The following MYO1F variants were observed in gnomAD, a reference collection of about 807,000 sequenced individuals.
MYO1F encodes unconventional myosin-If.
Under a neutral mutation model 146.6 loss-of-function variants are expected in MYO1F, and 60 were observed. That is an observed-to-expected ratio of 0.41 (90% confidence interval 0.33 to 0.51). The LOEUF is 0.51. Among genes scored for constraint, MYO1F ranks in the 20% least tolerant of loss-of-function variants. MYO1F has a pLI of 0.25. For synonymous variants in MYO1F, 602 were observed against 602.1 expected (o/e 1.00, Z 0.00); for missense variants, 1,274 against 1,534.3 (o/e 0.83, Z 2.83).
chr19:8,567,516 C>T (rs905123957), intron 1 of MYO1F, among the ~76,000 whole-genome samples: 24 of 152,124 alleles, frequency 1.6e-4, no homozygotes, highest in African/African-American at 5.6e-4. Flanking sequence ...TTACAGGCGC[C>T]TGGCTGATTT....
In MYO1F at chr19:8,551,813, T is replaced by C. The variant is rs1367563403; in HGVS notation, c.698A>G (p.Tyr233Cys). The change falls in exon 8 of 28, where the codon TAT becomes TGT. Residue 233 changes from tyrosine to cysteine, a missense_variant. This residue lies in a region of MYO1F where 900 missense variants were observed against 1,155.1 expected (regional missense o/e 0.78). Transcript: ENST00000644032. ...GGTGTCCGATTGGTTGAGGTAGTAATAGTAGTCCGGTGTCATGAGGCCCAG... is the reference window on the plus strand; with the variant it reads ...GGTGTCCGATTGGTTGAGGTAGTAACAGTAGTCCGGTGTCATGAGGCCCAG... ...QNLGLMTPDY[Y>C]YYLNQSDTYQ... 6.2e-7 allele frequency: 1 copy of C among 1,614,104 alleles called. No homozygotes were observed. The highest frequency in any genetic ancestry group is 8.5e-7 in the Non-Finnish European group (1 of 1,180,020).
chr19:8,529,794 C>T, intron 21 of MYO1F: 1 of 361,828 alleles, frequency 2.8e-6, no homozygotes, highest in Non-Finnish European at 5.3e-6. Flanking sequence ...GTCTGCTATA[C>T]TTGAGTGTAT....
chr19:8,568,432 A>ACAAAAAC (rs2042047215), intron 1 of MYO1F, among the ~76,000 whole-genome samples: 1 of 148,166 alleles, frequency 6.7e-6, no homozygotes, highest in African/African-American at 2.5e-5. Flanking sequence ...CAAAAAAAAA[A>ACAAAAAC]AAAAAAAAAA....
chr19:8,552,592 T>C (rs1333976935), intron 6 of MYO1F, among the ~76,000 whole-genome samples: 4 of 152,018 alleles, frequency 2.6e-5, no homozygotes, highest in South Asian at 4.1e-4. Flanking sequence ...TATTAAACCA[T>C]GTCCATGTGC....
At chr19:8,535,920 ATCCGCCC>A (rs1280429315) in intron 19 of MYO1F, among the ~76,000 whole-genome samples, 3 of 151,822 alleles carry the variant, frequency 2.0e-5, no homozygotes, top group African/African-American at 7.3e-5. Flanking sequence ...TGGCCTTGTG[ATCCGCCC>A]TCCTCAGCCT....
chr19:8,544,127 G>T, intron 14 of MYO1F, 170 bp downstream of exon 14: 1 of 767,216 alleles, frequency 1.3e-6, no homozygotes, highest in Non-Finnish European at 2.2e-6. Flanking sequence ...AGGGTCTGTA[G>T]TTCTGGTTAG....
intron 19 of MYO1F, among the ~76,000 whole-genome samples, chr19:8,533,748 T>C (rs1319797626): frequency 6.6e-6 from 1 of 152,148 alleles, no homozygotes; most frequent in Non-Finnish European, 1.5e-5. Context: ...GAGAATAAAT[T>C]GCTGTTGTGT....
chr19:8,546,010 C>T lies in MYO1F; in HGVS notation c.1270-274G>A, dbSNP rs3111576. ...CCTCGAGTCCCAGTGCAGTTGCATT[C>T]CGGTTGTCCACAGCATAACGTGCTC... On this transcript the variant is annotated intron_variant, in intron 12 of 27. Coordinates refer to ENST00000644032, the MANE Select transcript of MYO1F (RefSeq NM_012335.4). 0.091 allele frequency among the ~76,000 whole-genome samples: 13,733 copies of T among 151,348 alleles called. 765 individuals are homozygous for T. Among genetic ancestry groups the T allele is most frequent in the East Asian group, 0.13 (666 of 5,140 alleles).
intron 2 of MYO1F, chr19:8,555,403 AAAAG>A: frequency 6.0e-5 from 24 of 397,678 alleles, no homozygotes; most frequent in South Asian, 1.8e-4. Context: ...AAAAAAAAAA[AAAAG>A]AACAAACAGG....
At chr19:8,539,595 C>CAA (rs57563221) in intron 16 of MYO1F, among the ~76,000 whole-genome samples, 4,391 of 143,576 alleles carry the variant, frequency 0.031, 134 homozygotes, top group African/African-American at 0.079. Context: ...GACTCTGTCT[C>CAA]AAAAAAAAAA....
At chr19:8,542,023 A>T in intron 14 of MYO1F, 32 bp from the exon 15 acceptor site, 1 of 1,587,374 alleles carries the variant, frequency 6.3e-7, no homozygotes. Context: ...ACAGTGAGGG[A>T]CTGAGAAACC....
At chr19:8,549,861 C>T (rs568384777) in intron 10 of MYO1F, 103 of 496,250 alleles carry the variant, frequency 2.1e-4, no homozygotes, top group Middle Eastern at 5.8e-4. Flanking sequence ...AGTACAATAG[C>T]GCAATCATAG....
intron 25 of MYO1F, chr19:8,525,273 T>C: frequency 4.6e-6 from 2 of 432,982 alleles, no homozygotes; most frequent in Non-Finnish European, 8.6e-6. Flanking sequence ...AAGATGTCAG[T>C]GGTTAGCTGG....
intron 1 of MYO1F, among the ~76,000 whole-genome samples, chr19:8,561,065 A>G (rs970195022): frequency 2.0e-5 from 3 of 151,710 alleles, no homozygotes; most frequent in Admixed American, 6.6e-5. Flanking sequence ...AATATTTCAT[A>G]GAGACATGGT....
At chr19:8,522,023 CTTTT>C (rs34105946) in intron 27 of MYO1F, among the ~76,000 whole-genome samples, 4 of 133,376 alleles carry the variant, frequency 3.0e-5, no homozygotes, top group Non-Finnish European at 3.2e-5. Flanking sequence ...AGTCAGGGTT[CTTTT>C]TTTTTTTTTT....
intron 1 of MYO1F, among the ~76,000 whole-genome samples, chr19:8,559,120 C>T (rs1973971380): frequency 6.6e-6 from 1 of 151,800 alleles, no homozygotes; most frequent in African/African-American, 2.4e-5. Context: ...GTTCAAGCGA[C>T]CTTCCTGCCT....
chr19:8,556,882 T>A (rs369682909), intron 1 of MYO1F, among the ~76,000 whole-genome samples: 1,887 of 126,030 alleles, frequency 0.015, 17 homozygotes, highest in Middle Eastern at 0.049. Context: ...AGTGAAACTC[T>A]GTCTCAAAAA....
chr19:8,545,816 C>G (rs1599965053), intron 12 of MYO1F, 80 bp from the exon 13 acceptor site: 4 of 976,412 alleles, frequency 4.1e-6, no homozygotes, highest in African/African-American at 3.2e-5. Context: ...CTCCCCTTCT[C>G]CATCTCATCA....
intron 1 of MYO1F, among the ~76,000 whole-genome samples, chr19:8,562,623 C>T (rs572992346): frequency 7.2e-5 from 11 of 151,962 alleles, no homozygotes; most frequent in Admixed American, 3.9e-4. Flanking sequence ...GTAGCCTTGA[C>T]GTCCAGGCTC....
Sources: gnomAD v4.1 joint callset for allele counts (sites outside exome capture counted in the v4.1 genomes callset) on GRCh38, gnomAD v4.1.1 for gene constraint, gnomAD v4.1.1 regional missense constraint, MANE v1.5 for transcripts, NCBI Gene and HGNC (gene_info 2026-07-23, HGNC 2026-07-21) for gene names.